KMT2C: variants seen among roughly 807,000 people sequenced by gnomAD.
The protein encoded by KMT2C is lysine methyltransferase 2C.
KMT2C carries 88 observed loss-of-function variants against 507.9 expected under a neutral mutation model. The observed-to-expected ratio is 0.17, with a 90% confidence interval of 0.15 to 0.21. KMT2C has a LOEUF of 0.21. KMT2C is among the 10% of genes least tolerant of loss of function. The pLI is 1.00. For missense variants in KMT2C, 4,954 were observed against 5,957.8 expected (o/e 0.83, Z 5.55); for synonymous variants, 2,049 against 2,080.8 (o/e 0.98, Z 0.42).
At chr7:152,343,521 C>T (rs187991129) in intron 2 of KMT2C, among the ~76,000 whole-genome samples, 7 of 145,214 alleles carry the variant, frequency 4.8e-5, no homozygotes, top group Admixed American at 3.4e-4. Flanking sequence ...AATGGAAATA[C>T]CAAAAAGAGA....
At chr7:152,239,780 C>A (rs1258565794) in intron 14 of KMT2C, among the ~76,000 whole-genome samples, 1 of 152,068 alleles carries the variant, frequency 6.6e-6, no homozygotes, top group African/African-American at 2.4e-5. Flanking sequence ...TTCAATGGTG[C>A]ATGCTATAAT....
chr7:152,401,727 TA>T (rs1424368957), intron 1 of KMT2C, among the ~76,000 whole-genome samples: 1 of 151,676 alleles, frequency 6.6e-6, no homozygotes, highest in Non-Finnish European at 1.5e-5. Flanking sequence ...TAGTAAGGAG[TA>T]CAATACAGCG....
intron 1 of KMT2C, among the ~76,000 whole-genome samples, chr7:152,365,458 A>G (rs995944596): frequency 3.3e-5 from 5 of 152,246 alleles, no homozygotes; most frequent in African/African-American, 4.8e-5. Context: ...GTGAGCAGAA[A>G]TCGCACCGCT....
chr7:152,433,337 A>G (rs531412606), intron 1 of KMT2C, among the ~76,000 whole-genome samples: 21 of 152,264 alleles, frequency 1.4e-4, no homozygotes, highest in African/African-American at 3.6e-4. Context: ...CTGGTTACAC[A>G]TAAGTTTCAC....
At chr7:152,296,997 A>AAAAGGAAG (rs2096506050) in intron 6 of KMT2C, among the ~76,000 whole-genome samples, 1 of 58,948 alleles carries the variant, frequency 1.7e-5, no homozygotes, top group Non-Finnish European at 3.7e-5. Flanking sequence ...GAAAGAAAGA[A>AAAAGGAAG]AAAGAAAGAA....
intron 7 of KMT2C, among the ~76,000 whole-genome samples, chr7:152,272,198 C>T (rs960211924): frequency 1.3e-5 from 2 of 152,142 alleles, no homozygotes; most frequent in Non-Finnish European, 2.9e-5. Flanking sequence ...ACATGATCAA[C>T]AACAGCATAT....
intron 1 of KMT2C, among the ~76,000 whole-genome samples, chr7:152,375,589 C>T (rs1589558337): frequency 1.3e-5 from 2 of 151,680 alleles, no homozygotes; most frequent in Non-Finnish European, 2.9e-5. Flanking sequence ...TTTCACCATG[C>T]TGGCCAGGCT....
At chr7:152,193,095 G>C (rs1390675010) in intron 31 of KMT2C, among the ~76,000 whole-genome samples, 2 of 152,170 alleles carry the variant, frequency 1.3e-5, no homozygotes, top group Non-Finnish European at 2.9e-5. Flanking sequence ...AGGATCGCTT[G>C]AGCCCAGGAG....
At position 152,367,720 on chromosome 7, in the gene KMT2C, G is replaced by C. The variant is rs1340841977; in HGVS notation, c.162-9045C>G. 4.3e-5 allele frequency: 52 copies of C among 1,221,636 alleles called. No homozygotes were observed. The East Asian group carries it at 1.2e-3, about 28-fold the overall frequency. The allele number at this position is 1,221,636 out of a possible 1,614,324, so 75.7% of individuals were successfully genotyped here. On this transcript the variant is annotated intron_variant, in intron 1 of 58. Coordinates refer to ENST00000262189, the MANE Select transcript of KMT2C (RefSeq NM_170606.3). ...GGATTTGGAGATGTAGTGGATAATA[G>C]TAATTGCTGGCAGCCTCTTATCGAT...
At chr7:152,379,742 G>A (rs1448675047) in intron 1 of KMT2C, among the ~76,000 whole-genome samples, 2 of 152,012 alleles carry the variant, frequency 1.3e-5, no homozygotes, top group Non-Finnish European at 2.9e-5. Flanking sequence ...AAAAGACAAG[G>A]ACAAAGACAT....
chr7:152,210,128 T>A (rs1255685955), intron 23 of KMT2C, among the ~76,000 whole-genome samples: 2 of 152,066 alleles, frequency 1.3e-5, no homozygotes, highest in Non-Finnish European at 2.9e-5. Context: ...AGACCCCACG[T>A]TTCCCCACTG....
Position 152,224,054 on chromosome 7 carries a change from C to G in KMT2C, c.3284G>C (p.Arg1095Thr), listed in dbSNP as rs141226447. 2.0e-5 allele frequency: 33 copies of G among 1,611,030 alleles called. No homozygotes were observed. The African/African-American group carries it at 3.7e-4, about 18-fold the overall frequency. ...ACATTGCAGAATAAGATCTTCTTCTCTATAGTTTCGATAGCAGACTGGACA... is the reference window on the plus strand; with the variant it reads ...ACATTGCAGAATAAGATCTTCTTCTGTATAGTTTCGATAGCAGACTGGACA... Reference protein sequence around the residue: ...SSCPVCYRNYREEDLILQCRQ... With the variant: ...SSCPVCYRNYTEEDLILQCRQ... Residue 1095 changes from arginine to threonine, a missense_variant, in exon 20 of 59, where the codon AGA becomes ACA. This residue lies in a region of KMT2C where 52 missense variants were observed against 162.4 expected (regional missense o/e 0.32). Coordinates refer to ENST00000262189, the MANE Select transcript of KMT2C (RefSeq NM_170606.3).
At chr7:152,191,470 C>G (rs1008804707) in intron 31 of KMT2C, among the ~76,000 whole-genome samples, 12 of 152,170 alleles carry the variant, frequency 7.9e-5, no homozygotes, top group African/African-American at 2.9e-4. Context: ...CGTATCTATT[C>G]CTTCCTTTCA....
At chr7:152,190,057 C>T (rs926686661) in intron 31 of KMT2C, among the ~76,000 whole-genome samples, 20 of 152,256 alleles carry the variant, frequency 1.3e-4, no homozygotes, top group African/African-American at 4.6e-4. Context: ...TGCATGCGAG[C>T]ATGTTCCTAT....
In KMT2C at chr7:152,252,107, ACT is replaced by A; in HGVS notation, c.1470-19_1470-18del. On this transcript the variant is annotated intron_variant, in intron 10 of 58. Transcript: ENST00000262189. ...TGAACCCACCTGCAGTGATAAGTAT[ACT>A]TAAATAAAAATTTCTAACATCGAGT... 1 of 1,547,048 alleles carries A rather than the reference ACT, an allele frequency of 6.5e-7. No homozygotes were observed.
rs781493932 is a variant in KMT2C, at chr7:152,250,957, T to C, written c.1631A>G (p.Asn544Ser). The change falls in exon 12 of 59, where the codon AAT becomes AGT. Residue 544 changes from asparagine (N) to serine (S), a missense_variant. By Grantham distance (46) the Asn-to-Ser change is conservative (BLOSUM62 1). This residue lies in a region of KMT2C where 376 missense variants were observed against 352.4 expected (regional missense o/e 1.07). Coordinates refer to ENST00000262189, the MANE Select transcript of KMT2C (RefSeq NM_170606.3). Reference sequence around the variant, plus strand: ...TTCAGGGCCTTCAACTTCCATTTCATTGTTATAATCTTAACAAAAAATTAT... The same window carrying C: ...TTCAGGGCCTTCAACTTCCATTTCACTGTTATAATCTTAACAAAAAATTAT... ...EIAELTTDYNNEMEVEGPEDQ... is the reference protein window; with the variant it reads ...EIAELTTDYNSEMEVEGPEDQ... 3.2e-6 allele frequency: 5 copies of C among 1,576,910 alleles called. No individual in the cohort carries two copies. The South Asian group carries it at 3.3e-5, about 10-fold the overall frequency.
intron 23 of KMT2C, among the ~76,000 whole-genome samples, chr7:152,218,526 T>C (rs2094651721): frequency 6.6e-6 from 1 of 152,138 alleles, no homozygotes; most frequent in African/African-American, 2.4e-5. Context: ...CCATTGTTTC[T>C]CACTGATCTA....
Position 152,435,848 on chromosome 7 carries a change from GGCCGCCGCCGCCGCC to G in KMT2C, c.-77_-63del. 7.4e-7 allele frequency: 1 copy of G among 1,360,088 alleles called. No individual in the cohort carries two copies. The highest frequency in any genetic ancestry group is 9.5e-7 in the Non-Finnish European group (1 of 1,053,130). 84.3% of individuals were successfully genotyped at this position (1,360,088 alleles called of 1,614,324 possible). ...CCTCCTGGGGGGCTCCCGCCGCCGC[GGCCGCCGCCGCCGCC>G]GCTGCTGCTCGGGTTCCTCCTCCCC... is the stretch of plus-strand genomic sequence containing the variant. On this transcript the variant is annotated 5_prime_UTR_variant, in exon 1 of 59. Coordinates refer to ENST00000262189, the MANE Select transcript of KMT2C (RefSeq NM_170606.3).
At chr7:152,411,293 A>G (rs1232554463) in intron 1 of KMT2C, among the ~76,000 whole-genome samples, 1 of 152,170 alleles carries the variant, frequency 6.6e-6, no homozygotes, top group Non-Finnish European at 1.5e-5. Flanking sequence ...TAAGACTTTC[A>G]GCTTCATCCC....
Sources: allele counts gnomAD v4.1 joint callset (sites outside exome capture counted in the v4.1 genomes callset), GRCh38; gene constraint gnomAD v4.1.1; regional missense constraint gnomAD v4.1.1; transcripts MANE v1.5; gene names NCBI Gene and HGNC (gene_info 2026-07-23, HGNC 2026-07-21).